The following NPFFR2 variants were observed in gnomAD, a reference collection of about 807,000 sequenced individuals.
The protein encoded by NPFFR2 is G-protein coupled receptor 74.
NPFFR2 carries 15 observed loss-of-function variants against 13.1 expected under a neutral mutation model. That is an observed-to-expected ratio of 1.15 (90% CI 0.77 to 1.76). NPFFR2 has a LOEUF of 1.76. Among genes scored for constraint, NPFFR2 ranks in the 40% most tolerant of loss-of-function variants. The pLI is 0.00. For missense variants in NPFFR2, 572 were observed against 503.5 expected, an observed-to-expected ratio of 1.14 and a Z score of -1.30; for synonymous variants, 190 against 175.7, an observed-to-expected ratio of 1.08 and a Z score of -0.65.
rs115272250 is a variant in NPFFR2, at chr4:72,050,382, A to T, written c.-8+18182A>T. On this transcript the variant is annotated intron_variant, in intron 1 of 3. Coordinates refer to ENST00000308744, the MANE Select transcript of NPFFR2 (RefSeq NM_004885.3). ...AAAAGTTAAACTGAAAAACTAGTTC[A>T]GTCTGTGATGGGAAGGGGGGTTGTA... Among the ~76,000 whole-genome samples, 448 of 152,174 alleles carry T rather than the reference A, an allele frequency of 2.9e-3. 2 individuals carry two copies. The highest frequency in any genetic ancestry group is 0.011 in the African/African-American group (440 of 41,548).
intron 1 of NPFFR2, among the ~76,000 whole-genome samples, chr4:72,098,319 C>T (rs1215220705): frequency 6.6e-6 from 1 of 152,080 alleles, no homozygotes; most frequent in Non-Finnish European, 1.5e-5. Context: ...ACACAAATAA[C>T]CGTGGAGCTG....
intron 3 of NPFFR2, among the ~76,000 whole-genome samples, chr4:72,145,537 T>C (rs1722748825): frequency 6.6e-6 from 1 of 151,950 alleles, no homozygotes. Context: ...AATACATACG[T>C]TTGTGTCTAT....
intron 1 of NPFFR2, among the ~76,000 whole-genome samples, chr4:72,088,580 C>T (rs7660580): frequency 0.96 from 146,202 of 152,006 alleles, 70,571 homozygotes; most frequent in East Asian, 1. Context: ...AGAAAGGAGG[C>T]TTAACTGACT....
At chr4:72,077,378 T>G (rs1448824810) in intron 1 of NPFFR2, among the ~76,000 whole-genome samples, 1 of 152,104 alleles carries the variant, frequency 6.6e-6, no homozygotes, top group Non-Finnish European at 1.5e-5. Flanking sequence ...AAATGACAAA[T>G]TAGCTGCCAA....
rs551977632 is a variant in NPFFR2, at chr4:72,069,973, T to C, written c.-8+37773T>C. On this transcript the variant is annotated intron_variant, in intron 1 of 3. Coordinates refer to ENST00000308744, the MANE Select transcript of NPFFR2 (RefSeq NM_004885.3). ...CATGTTCTATGTATATCAAGTCATA[T>C]ATTCTTTGTAACAAGCATATGACTA... Among the ~76,000 whole-genome samples, 3 of 152,294 alleles carry C rather than the reference T, an allele frequency of 2.0e-5. No individual in the cohort carries two copies. In the South Asian group the frequency reaches 6.2e-4, roughly 32 times the overall value.
chr4:72,129,167 G>C (rs1351770901), intron 2 of NPFFR2, among the ~76,000 whole-genome samples: 1 of 152,132 alleles, frequency 6.6e-6, no homozygotes, highest in Non-Finnish European at 1.5e-5. Flanking sequence ...AGAAAGTGGA[G>C]GCTGCTATTT....
At chr4:72,088,644 G>A (rs1295098548) in intron 1 of NPFFR2, among the ~76,000 whole-genome samples, 1 of 151,958 alleles carries the variant, frequency 6.6e-6, no homozygotes, top group Non-Finnish European at 1.5e-5. Flanking sequence ...AGTGGCAGAA[G>A]GCAAAGGGGA....
chr4:72,098,921 C>G (rs972233217), intron 1 of NPFFR2, among the ~76,000 whole-genome samples: 1 of 152,114 alleles, frequency 6.6e-6, no homozygotes, highest in Non-Finnish European at 1.5e-5. Flanking sequence ...TCAAGGGGCT[C>G]AGAAATATAT....
chr4:72,129,011 T>C lies in NPFFR2; in HGVS notation c.328+92T>C. 18 of 976,338 alleles carry C rather than the reference T, an allele frequency of 1.8e-5. No homozygotes were observed. The South Asian group carries it at 3.0e-4, about 16-fold the overall frequency. 60.5% of individuals were successfully genotyped at this position (976,338 alleles called of 1,614,324 possible). On this transcript the variant is annotated intron_variant, in intron 2 of 3. Coordinates refer to ENST00000308744, the MANE Select transcript of NPFFR2 (RefSeq NM_004885.3). The stretch of plus-strand genomic sequence containing the variant: ...GCAGGGCTGTTCATTCATTCATTTA[T>C]TTACATATATTTATGGAATTCCAGG...
chr4:72,043,150 T>G (rs1485990440), intron 1 of NPFFR2, among the ~76,000 whole-genome samples: 1 of 152,200 alleles, frequency 6.6e-6, no homozygotes, highest in Non-Finnish European at 1.5e-5. Context: ...GTAGTGTTGG[T>G]CCTGCAGGTG....
intron 1 of NPFFR2, among the ~76,000 whole-genome samples, chr4:72,099,394 A>G (rs1242788093): frequency 6.6e-6 from 1 of 152,108 alleles, no homozygotes; most frequent in African/African-American, 2.4e-5. Flanking sequence ...CATTGCTATA[A>G]AGGAATACTT....
At chr4:72,128,532 A>C in intron 1 of NPFFR2, 53 bp from the exon 2 acceptor site, 1 of 1,129,016 alleles carries the variant, frequency 8.9e-7, no homozygotes, top group Non-Finnish European at 1.3e-6. Flanking sequence ...CACAGAATTT[A>C]TGCTTTACTG....
At chr4:72,131,001 T>C (rs1722221600) in intron 2 of NPFFR2, among the ~76,000 whole-genome samples, 1 of 152,046 alleles carries the variant, frequency 6.6e-6, no homozygotes, top group Admixed American at 6.5e-5. Context: ...AGATGATTGA[T>C]GGTCCCTGGT....
At chr4:72,113,589 T>C (rs1721626727) in intron 1 of NPFFR2, among the ~76,000 whole-genome samples, 1 of 152,176 alleles carries the variant, frequency 6.6e-6, no homozygotes, top group African/African-American at 2.4e-5. Context: ...TTAAGATTTA[T>C]GAGATTAAAG....
intron 1 of NPFFR2, among the ~76,000 whole-genome samples, chr4:72,110,800 T>C (rs1721544228): frequency 6.6e-6 from 1 of 152,018 alleles, no homozygotes; most frequent in South Asian, 2.1e-4. Context: ...TGCAGTCAAA[T>C]CATACAATCC....
intron 2 of NPFFR2, among the ~76,000 whole-genome samples, chr4:72,136,428 T>C (rs1722414374): frequency 6.6e-6 from 1 of 152,060 alleles, no homozygotes. Context: ...CTAGATCTAG[T>C]TAACTGCTTC....
rs77948050 is a variant in NPFFR2, at chr4:72,146,827, C to G, written c.429-151C>G. ...ATCTCATATCAATTACAGAAAATGA[C>G]AATGCATGCCTTTCTACTACAAATG... On this transcript the variant is annotated intron_variant, in intron 3 of 3. Coordinates refer to ENST00000308744, the MANE Select transcript of NPFFR2 (RefSeq NM_004885.3). 1,792 of 604,304 alleles carry G rather than the reference C, an allele frequency of 3.0e-3. 48 individuals are homozygous for G. The East Asian group carries it at 0.042, about 14-fold the overall frequency. The allele number at this position is 604,304 out of a possible 1,614,324, so 37.4% of individuals were successfully genotyped here.
intron 1 of NPFFR2, among the ~76,000 whole-genome samples, chr4:72,056,517 C>T (rs1719748387): frequency 1.3e-5 from 2 of 152,130 alleles, no homozygotes; most frequent in South Asian, 4.1e-4. Context: ...ATACAACATA[C>T]ATTCTTTAGT....
At position 72,147,075 on chromosome 4, in the gene NPFFR2, T is replaced by C. The variant is rs371070897; in HGVS notation, c.526T>C (p.Ser176Pro). The change falls in exon 4 of 4, where the codon TCT becomes CCT. Residue 176 changes from serine to proline, a missense_variant. Transcript: ENST00000308744. The part of the protein sequence containing the change: ...IIWVLAITIM[S>P]PSAVMLHVQE... ...CTGGGTCCTAGCCATCACCATTATG[T>C]CTCCATCTGCAGTAATGTTACATGT... is the stretch of plus-strand genomic sequence containing the variant. 6.2e-7 allele frequency: 1 copy of C among 1,614,068 alleles called. No homozygotes were observed. The highest frequency in any genetic ancestry group is 8.5e-7 in the Non-Finnish European group (1 of 1,179,962).
Sources: gnomAD v4.1 joint callset for allele counts (sites outside exome capture counted in the v4.1 genomes callset) on GRCh38, gnomAD v4.1.1 for gene constraint, MANE v1.5 for transcripts, NCBI Gene and HGNC (gene_info 2026-07-23, HGNC 2026-07-21) for gene names.